MAST4: variants seen among roughly 807,000 people sequenced by gnomAD.
MAST4 encodes microtubule-associated serine/threonine-protein kinase 4.
Under a neutral mutation model 162.7 loss-of-function variants are expected in MAST4, and 89 were observed. The ratio of observed to expected loss-of-function variants is 0.55; its 90% CI spans 0.46 to 0.65. The LOEUF (loss-of-function observed/expected upper bound fraction) is 0.65. Among genes scored for constraint, MAST4 ranks in the 30% least tolerant of loss-of-function variants. MAST4 has a pLI of 0.00. For missense variants in MAST4, 3,153 were observed against 3,374.0 expected, an observed-to-expected ratio of 0.93 and a Z score of 1.62; for synonymous variants, 1,479 against 1,361.1, an observed-to-expected ratio of 1.09 and a Z score of -1.91.
At chr5:66,964,582 A>C (rs1746444689) in intron 4 of MAST4, among the ~76,000 whole-genome samples, 1 of 152,194 alleles carries the variant, frequency 6.6e-6, no homozygotes. Context: ...CGGGCAGATC[A>C]CGAAGTCAGG....
rs530576186 is a variant in MAST4, at chr5:66,635,946, G to GTTTTTTTTTTTTTTT, written c.363+38943_363+38957dup. 4.8e-5 allele frequency among the ~76,000 whole-genome samples: 2 copies of GTTTTTTTTTTTTTTT among 41,278 alleles called. 1 individual carries two copies. The highest frequency in any genetic ancestry group is 1.6e-4 in the African/African-American group (2 of 12,262). The allele number at this position is 41,278 out of a possible 152,430, so 27.1% of individuals were successfully genotyped here. A position where few individuals can be genotyped will look rare whatever the true frequency, so the allele number is the denominator to read the frequency against. ...AAAATCACTGCATAAGATAGAGACTGTTTTTTTTTTTTTTTTTTTTTTTTT... is the reference window on the plus strand; with the variant it reads ...AAAATCACTGCATAAGATAGAGACTGTTTTTTTTTTTTTTTTTTTTTTTTTTTTTTTTTTTTTTTT... On this transcript the variant is annotated intron_variant, in intron 1 of 28. Coordinates refer to ENST00000403625, the MANE Select transcript of MAST4 (RefSeq NM_001164664.2).
rs2151151509 is a variant in MAST4 at position 67,167,538 on chromosome 5, T to C, written c.*487T>C. ...TGTATATACACATCCACCTACATGT[T>C]TTGGTCTGTGGTTTAAGAGACTATT... On this transcript the variant is annotated 3_prime_UTR_variant, in exon 29 of 29. Transcript: ENST00000403625. 1.3e-5 allele frequency: 2 copies of C among 152,540 alleles called. No homozygotes were observed. The highest frequency in any genetic ancestry group is 3.9e-4 in the East Asian group (2 of 5,174). 9.4% of individuals were successfully genotyped at this position (152,540 alleles called of 1,614,324 possible).
At chr5:66,808,408 A>G (rs1006122908) in intron 3 of MAST4, among the ~76,000 whole-genome samples, 1 of 152,242 alleles carries the variant, frequency 6.6e-6, no homozygotes, top group African/African-American at 2.4e-5. Context: ...CATGTCAAAT[A>G]GCCCCTATTA....
At chr5:66,692,540 C>T (rs913107727) in intron 1 of MAST4, among the ~76,000 whole-genome samples, 5 of 152,028 alleles carry the variant, frequency 3.3e-5, no homozygotes, top group African/African-American at 4.8e-5. Context: ...GCTGGGCTTC[C>T]GTCCTTTGAA....
At chr5:66,875,655 A>G (rs564940195) in intron 3 of MAST4, among the ~76,000 whole-genome samples, 2 of 151,284 alleles carry the variant, frequency 1.3e-5, no homozygotes, top group African/African-American at 2.5e-5. Context: ...TTATTTGGTA[A>G]TCATTATTTT....
At chr5:66,707,885 T>A (rs565872245) in intron 1 of MAST4, among the ~76,000 whole-genome samples, 63 of 152,268 alleles carry the variant, frequency 4.1e-4, no homozygotes, top group Middle Eastern at 3.4e-3. Context: ...GTTGATTTCT[T>A]TTGGTAGTAT....
chr5:67,089,701 T>G (rs1763624147), intron 5 of MAST4, among the ~76,000 whole-genome samples: 1 of 152,202 alleles, frequency 6.6e-6, no homozygotes, highest in East Asian at 1.9e-4. Context: ...CTTCAGGAAC[T>G]CAGACTCTTA....
chr5:67,038,317 G>A (rs1270772154), intron 4 of MAST4, among the ~76,000 whole-genome samples: 2 of 147,572 alleles, frequency 1.4e-5, no homozygotes, highest in Non-Finnish European at 3.0e-5. Context: ...TGTCCTCCCA[G>A]TTATACAAAG....
intron 3 of MAST4, among the ~76,000 whole-genome samples, chr5:66,866,658 A>G (rs1760544326): frequency 1.3e-5 from 2 of 152,248 alleles, no homozygotes; most frequent in South Asian, 4.1e-4. Flanking sequence ...TGGGGGTGAG[A>G]TATAAACTAT....
intron 4 of MAST4, among the ~76,000 whole-genome samples, chr5:66,969,932 C>G (rs1462653296): frequency 6.6e-6 from 1 of 152,206 alleles, no homozygotes; most frequent in Admixed American, 6.5e-5. Flanking sequence ...TCTTTGTACT[C>G]TACAGACACC....
At chr5:66,634,100 C>T (rs1330423188) in intron 1 of MAST4, among the ~76,000 whole-genome samples, 1 of 152,142 alleles carries the variant, frequency 6.6e-6, no homozygotes, top group East Asian at 1.9e-4. Flanking sequence ...ACCATTGTTG[C>T]TTAGGCTACA....
At chr5:67,078,956 A>C (rs1434933938) in intron 5 of MAST4, among the ~76,000 whole-genome samples, 6 of 110,322 alleles carry the variant, frequency 5.4e-5, no homozygotes, top group Non-Finnish European at 8.7e-5. Flanking sequence ...ATATATGGCA[A>C]TCTGATGTTA....
At chr5:66,804,720 C>T (rs1158716922) in intron 3 of MAST4, among the ~76,000 whole-genome samples, 1 of 152,116 alleles carries the variant, frequency 6.6e-6, no homozygotes, top group Admixed American at 6.5e-5. Context: ...TAAGAGTGGA[C>T]TCTTCTGTAT....
chr5:66,915,858 G>A (rs773143380), intron 4 of MAST4, among the ~76,000 whole-genome samples: 27 of 152,212 alleles, frequency 1.8e-4, no homozygotes, highest in Non-Finnish European at 3.8e-4. Flanking sequence ...GTTAATGGAA[G>A]AAGACGAAAT....
chr5:66,596,834 A>G lies in MAST4; in HGVS notation c.179A>G (p.Glu60Gly). The change falls in exon 1 of 29, where the codon GAG becomes GGG. Residue 60 changes from glutamate (E) to glycine (G), a missense_variant. This residue lies in a region of MAST4 where 327 missense variants were observed against 336.5 expected (regional missense o/e 0.97). Coordinates refer to ENST00000403625, the MANE Select transcript of MAST4 (RefSeq NM_001164664.2). ...EEGEPGGFSR[E>G]HQPPPPPPLG... The stretch of plus-strand genomic sequence containing the variant: ...GGGGAGCCCGGCGGCTTCTCCAGAG[A>G]GCATCAGCCGCCGCCGCCGCCGCCG... The G allele has an allele frequency of 7.7e-7, 1 of 1,295,826 alleles. No homozygotes were observed. Among genetic ancestry groups the G allele is most frequent in the East Asian group, 3.2e-5 (1 of 31,306 alleles). The allele number at this position is 1,295,826 out of a possible 1,614,324, so 80.3% of individuals were successfully genotyped here.
intron 3 of MAST4, among the ~76,000 whole-genome samples, chr5:66,880,899 T>C (rs1761649082): frequency 6.6e-6 from 1 of 152,232 alleles, no homozygotes; most frequent in South Asian, 2.1e-4. Context: ...TGCTGGAGAT[T>C]GAGTACTTAG....
chr5:66,791,340 T>A (rs1755396436), intron 3 of MAST4, among the ~76,000 whole-genome samples: 1 of 152,214 alleles, frequency 6.6e-6, no homozygotes, highest in African/African-American at 2.4e-5. Flanking sequence ...AAGTAATCTA[T>A]CTTCTTACTA....
Position 67,167,244 on chromosome 5 carries a change from G to T in MAST4, c.*193G>T. The T allele has an allele frequency of 2.7e-5, 3 of 113,110 alleles. No individual in the cohort carries two copies. The highest frequency in any genetic ancestry group is 2.6e-4 in the East Asian group (1 of 3,816). 7.0% of individuals were successfully genotyped at this position (113,110 alleles called of 1,614,324 possible). On this transcript the variant is annotated 3_prime_UTR_variant, in exon 29 of 29. Coordinates refer to ENST00000403625, the MANE Select transcript of MAST4 (RefSeq NM_001164664.2). Reference sequence around the variant, plus strand: ...CTTCCCAGTTGTAACCGGTAAAACTGTTACCAGATAGTGTTTGTACAAAAA... The same window carrying T: ...CTTCCCAGTTGTAACCGGTAAAACTTTTACCAGATAGTGTTTGTACAAAAA...
intron 3 of MAST4, among the ~76,000 whole-genome samples, chr5:66,791,717 T>C (rs1755418109): frequency 6.6e-6 from 1 of 152,198 alleles, no homozygotes; most frequent in African/African-American, 2.4e-5. Context: ...GAAGCCAGAA[T>C]GTGATTAGTC....
Sources: gnomAD v4.1 joint callset for allele counts (sites outside exome capture counted in the v4.1 genomes callset) on GRCh38, gnomAD v4.1.1 for gene constraint, gnomAD v4.1.1 regional missense constraint, MANE v1.5 for transcripts, NCBI Gene and HGNC (gene_info 2026-07-23, HGNC 2026-07-21) for gene names.